CDH12: variants seen among roughly 807,000 people sequenced by gnomAD.
CDH12 encodes cadherin 12, also known as cadherin-12.
Under a neutral mutation model 74.1 loss-of-function variants are expected in CDH12, and 41 were observed. That is an observed-to-expected ratio of 0.55 (90% CI 0.43 to 0.72). The LOEUF is 0.72. CDH12 is among the 30% of genes least tolerant of loss of function. The probability of loss-of-function intolerance (pLI) is 0.00; values close to 1 mark genes in which losing one functional copy is unlikely to be tolerated. For synonymous variants in CDH12, 399 were observed against 355.0 expected (o/e 1.12, Z -1.39); for missense variants, 945 against 977.2 (o/e 0.97, Z 0.44).
chr5:22,052,022 T>G (rs1740407120), intron 5 of CDH12, among the ~76,000 whole-genome samples: 1 of 152,126 alleles, frequency 6.6e-6, no homozygotes, highest in African/African-American at 2.4e-5. Flanking sequence ...CATGAAATAT[T>G]TTCTTTTAAC....
At chr5:22,430,785 G>T (rs1338593827) in intron 2 of CDH12, among the ~76,000 whole-genome samples, 1 of 151,820 alleles carries the variant, frequency 6.6e-6, no homozygotes, top group Non-Finnish European at 1.5e-5. Context: ...GATTTGTTTT[G>T]GTCCTTCTTA....
chr5:22,230,872 C>A (rs1291419473), intron 3 of CDH12, among the ~76,000 whole-genome samples: 1 of 152,128 alleles, frequency 6.6e-6, no homozygotes, highest in African/African-American at 2.4e-5. Flanking sequence ...GGGTATAATT[C>A]TAACTTATTA....
At chr5:21,895,023 A>T (rs1753059172) in intron 6 of CDH12, among the ~76,000 whole-genome samples, 1 of 151,714 alleles carries the variant, frequency 6.6e-6, no homozygotes, top group Non-Finnish European at 1.5e-5. Context: ...AATTGAAAAA[A>T]AAAAAAAGAC....
intron 1 of CDH12, among the ~76,000 whole-genome samples, chr5:22,656,947 C>T (rs909788372): frequency 5.9e-5 from 9 of 152,106 alleles, no homozygotes; most frequent in Non-Finnish European, 8.8e-5. Flanking sequence ...TGTGATCCTC[C>T]TGCCTCAGCC....
At chr5:22,241,010 G>A (rs1055185429) in intron 3 of CDH12, among the ~76,000 whole-genome samples, 2 of 152,094 alleles carry the variant, frequency 1.3e-5, no homozygotes, top group African/African-American at 4.8e-5. Context: ...GGAACAGCTA[G>A]AGAATGGAAA....
intron 2 of CDH12, among the ~76,000 whole-genome samples, chr5:22,455,331 T>G (rs1250943999): frequency 1.3e-5 from 2 of 152,128 alleles, no homozygotes; most frequent in African/African-American, 4.8e-5. Context: ...GAGAAATCAA[T>G]AGATAAATTT....
intron 8 of CDH12, among the ~76,000 whole-genome samples, chr5:21,832,926 ATC>A (rs1749143949): frequency 1.5e-5 from 1 of 68,186 alleles, no homozygotes; most frequent in African/African-American, 1.1e-4. Flanking sequence ...ATTAATATAT[ATC>A]ATATATTATA....
chr5:22,143,162 C>A (rs1483096247), intron 4 of CDH12: 1 of 152,360 alleles, frequency 6.6e-6, no homozygotes, highest in East Asian at 1.9e-4. Context: ...ACCTTACATA[C>A]ACTCTAGACC....
chr5:21,795,149 GACA>G (rs756531827), intron 10 of CDH12, among the ~76,000 whole-genome samples: 3 of 151,358 alleles, frequency 2.0e-5, no homozygotes, highest in Admixed American at 6.6e-5. Flanking sequence ...AGAAGCATCT[GACA>G]ACAAGTTCAT....
At chr5:22,537,524 C>T (rs932301480) in intron 1 of CDH12, among the ~76,000 whole-genome samples, 1 of 152,058 alleles carries the variant, frequency 6.6e-6, no homozygotes, top group Admixed American at 6.6e-5. Context: ...AATAACATCT[C>T]CAACCAGAAA....
intron 1 of CDH12, among the ~76,000 whole-genome samples, chr5:22,535,204 G>T (rs529091990): frequency 7.0e-6 from 1 of 143,264 alleles, no homozygotes; most frequent in African/African-American, 2.6e-5. Context: ...GCCCAGGCTG[G>T]ACTGCAGTGG....
At chr5:22,704,141 T>C (rs1022930984) in intron 1 of CDH12, among the ~76,000 whole-genome samples, 1 of 152,058 alleles carries the variant, frequency 6.6e-6, no homozygotes, top group Non-Finnish European at 1.5e-5. Context: ...TCACAGACAA[T>C]TAAATTGTAA....
intron 1 of CDH12, among the ~76,000 whole-genome samples, chr5:22,777,070 A>G (rs1247617252): frequency 1.3e-5 from 2 of 152,118 alleles, no homozygotes; most frequent in Non-Finnish European, 2.9e-5. Flanking sequence ...GTGGTGTCCT[A>G]AAGTTAGGTG....
At chr5:22,638,999 C>G (rs938776661) in intron 1 of CDH12, 2 of 131,066 alleles carry the variant, frequency 1.5e-5, no homozygotes, top group Non-Finnish European at 3.1e-5. Flanking sequence ...TGCAGTGAGC[C>G]GAGATCCCGC....
At chr5:21,784,935 C>G (rs11744454) in intron 10 of CDH12, among the ~76,000 whole-genome samples, 90,420 of 151,922 alleles carry the variant, frequency 0.6, 29,555 homozygotes, top group Non-Finnish European at 0.74. Flanking sequence ...TTCACTGTAT[C>G]GTACTTCACT....
intron 1 of CDH12, among the ~76,000 whole-genome samples, chr5:22,655,725 T>C (rs535769589): frequency 6.0e-4 from 91 of 152,338 alleles, no homozygotes; most frequent in African/African-American, 2.0e-3. Context: ...AATAATTACA[T>C]TGGGATTTGC....
At chr5:22,819,212 A>G (rs1749544022) in intron 1 of CDH12, among the ~76,000 whole-genome samples, 1 of 152,154 alleles carries the variant, frequency 6.6e-6, no homozygotes, top group Admixed American at 6.6e-5. Flanking sequence ...TCATTGTCAT[A>G]GGACTAAAGG....
chr5:22,342,145 G>T (rs1017936306), intron 3 of CDH12, among the ~76,000 whole-genome samples: 1 of 151,992 alleles, frequency 6.6e-6, no homozygotes, highest in Non-Finnish European at 1.5e-5. Flanking sequence ...CCCATTATGA[G>T]GCCTCACACA....
At chr5:22,584,872 T>C (rs1740299515) in intron 1 of CDH12, among the ~76,000 whole-genome samples, 1 of 152,200 alleles carries the variant, frequency 6.6e-6, no homozygotes, top group South Asian at 2.1e-4. Context: ...ACAAATTACC[T>C]TGAACTCTTT....
Sources: gnomAD v4.1 joint callset for allele counts (sites outside exome capture counted in the v4.1 genomes callset) on GRCh38, gnomAD v4.1.1 for gene constraint, MANE v1.5 for transcripts, NCBI Gene and HGNC (gene_info 2026-07-23, HGNC 2026-07-21) for gene names.